The following DNAH9 variants were observed in gnomAD, a reference collection of about 807,000 sequenced individuals.
DNAH9 encodes DNAH9 variant protein.
A neutral mutation model predicts 471.6 loss-of-function variants in DNAH9; 345 were observed. The observed-to-expected ratio is 0.73, with a 90% CI of 0.67 to 0.80. The LOEUF is 0.80. Ranked by LOEUF, DNAH9 falls within the 30% of genes least tolerant of loss-of-function variation. The pLI is 0.00. For missense variants in DNAH9, 5,407 were observed against 5,609.2 expected, an observed-to-expected ratio of 0.96 and a Z score of 1.15; for synonymous variants, 2,093 against 2,123.6, an observed-to-expected ratio of 0.99 and a Z score of 0.40.
At chr17:11,734,305 G>A (rs900273146) in intron 28 of DNAH9, among the ~76,000 whole-genome samples, 4 of 152,164 alleles carry the variant, frequency 2.6e-5, no homozygotes, top group Non-Finnish European at 4.4e-5. Flanking sequence ...TCTCAACCCT[G>A]GCTGCACATT....
intron 30 of DNAH9, among the ~76,000 whole-genome samples, chr17:11,743,065 T>G (rs1209511560): frequency 6.6e-6 from 1 of 152,172 alleles, no homozygotes; most frequent in Non-Finnish European, 1.5e-5. Flanking sequence ...CATTCAGTGA[T>G]CTGTACCACA....
chr17:11,717,553 G>A (rs114889287), intron 26 of DNAH9, among the ~76,000 whole-genome samples: 1,660 of 152,126 alleles, frequency 0.011, 35 homozygotes, highest in African/African-American at 0.038. Context: ...ACATGGCCCC[G>A]CCTGGAAGTT....
At chr17:11,880,941 A>G (rs1269732095) in intron 54 of DNAH9, among the ~76,000 whole-genome samples, 1 of 152,122 alleles carries the variant, frequency 6.6e-6, no homozygotes, top group East Asian at 1.9e-4. Context: ...GAAATTGTTC[A>G]TAATGTACTA....
chr17:11,874,540 C>T (rs1293692243), intron 52 of DNAH9, among the ~76,000 whole-genome samples: 4 of 151,966 alleles, frequency 2.6e-5, no homozygotes, highest in East Asian at 3.9e-4. Context: ...CAGGAGCAAA[C>T]CCACTAGGCA....
At chr17:11,929,606 CTT>C (rs1310235559) in intron 62 of DNAH9, among the ~76,000 whole-genome samples, 3 of 152,218 alleles carry the variant, frequency 2.0e-5, no homozygotes, top group African/African-American at 7.2e-5. Flanking sequence ...TCCCAGAACT[CTT>C]TTCTATGATG....
At chr17:11,827,985 G>A (rs952296186) in intron 48 of DNAH9, among the ~76,000 whole-genome samples, 2 of 152,118 alleles carry the variant, frequency 1.3e-5, no homozygotes, top group Non-Finnish European at 2.9e-5. Context: ...CAAACCATGA[G>A]AAGATCACTA....
At chr17:11,650,128 T>C (rs1339490956) in intron 12 of DNAH9, among the ~76,000 whole-genome samples, 1 of 152,236 alleles carries the variant, frequency 6.6e-6, no homozygotes, top group Non-Finnish European at 1.5e-5. Context: ...ACTAGAAGAC[T>C]GAGTCCATTT....
At chr17:11,924,135 A>G (rs1346136442) in intron 62 of DNAH9, among the ~76,000 whole-genome samples, 194 bp downstream of exon 62, 1 of 152,096 alleles carries the variant, frequency 6.6e-6, no homozygotes, top group Admixed American at 6.6e-5. Context: ...TCCAGGAACA[A>G]TCCTTCTCCC....
At chr17:11,692,983 A>G (rs560356248) in intron 20 of DNAH9, among the ~76,000 whole-genome samples, 130 of 147,000 alleles carry the variant, frequency 8.8e-4, no homozygotes, top group African/African-American at 2.9e-3. Context: ...TCGGCTCAAT[A>G]CAACCTCCGC....
chr17:11,619,451 A>T, intron 5 of DNAH9, 97 bp from the exon 6 acceptor site: 1 of 753,158 alleles, frequency 1.3e-6, no homozygotes, highest in East Asian at 2.4e-5. Context: ...ATCCTCGTGA[A>T]AAATATTACT....
At chr17:11,810,023 T>C (rs1338376105) in intron 44 of DNAH9, among the ~76,000 whole-genome samples, 1 of 152,162 alleles carries the variant, frequency 6.6e-6, no homozygotes, top group African/African-American at 2.4e-5. Context: ...GCCATTGCTA[T>C]GTAATTTCTC....
intron 14 of DNAH9, among the ~76,000 whole-genome samples, chr17:11,657,221 A>C (rs1042872876): frequency 4.6e-5 from 7 of 152,078 alleles, no homozygotes; most frequent in African/African-American, 1.7e-4. Flanking sequence ...TTCTTCACCA[A>C]ATTGTGGGTT....
intron 50 of DNAH9, among the ~76,000 whole-genome samples, chr17:11,859,602 T>C (rs1310251057): frequency 6.6e-6 from 1 of 152,136 alleles, no homozygotes; most frequent in African/African-American, 2.4e-5. Context: ...AGGAGTTTAA[T>C]CGGCTCACAG....
intron 56 of DNAH9, chr17:11,884,401 A>G (rs1427800151): frequency 8.9e-6 from 3 of 336,996 alleles, no homozygotes; most frequent in African/African-American, 6.4e-5. Flanking sequence ...CAAACCTCCA[A>G]CAAGGCCTTT....
chr17:11,969,273 G>A (rs768631037), intron 68 of DNAH9, 27 bp from the exon 69 acceptor site: 1 of 1,604,078 alleles, frequency 6.2e-7, no homozygotes, highest in Admixed American at 1.7e-5. Context: ...CTGATCTAAG[G>A]TGCCTCTTCT....
Position 11,735,504 on chromosome 17 carries a change from C to T in DNAH9, c.5815-3376C>T, listed in dbSNP as rs184340854. ...AGGCTGGAGTGCAGTGGCGCGATCTCGGCTCACTGCCACCTCTGCCTCCCA... is the reference window on the plus strand; with the variant it reads ...AGGCTGGAGTGCAGTGGCGCGATCTTGGCTCACTGCCACCTCTGCCTCCCA... On this transcript the variant is annotated intron_variant, in intron 28 of 68. Transcript: ENST00000262442. 2.8e-4 allele frequency among the ~76,000 whole-genome samples: 42 copies of T among 152,114 alleles called. No homozygotes were observed. The South Asian group carries it at 4.4e-3, about 16-fold the overall frequency.
Position 11,747,753 on chromosome 17 carries a change from A to G in DNAH9, c.6597A>G (p.Gly2199=). Residue 2199 remains glycine, a synonymous_variant, in exon 32 of 69, where the codon GGA becomes GGG. Coordinates refer to ENST00000262442, the MANE Select transcript of DNAH9 (RefSeq NM_001372.4). ...TTGGCATCATCAATCCAGCCACAGG[A>G]GAATGGAAGGATGGTAAGAGTGGGA... The part of the protein sequence containing the change: ...ELFGIINPAT[G]EWKDGLFSSI... The G allele has an allele frequency of 6.2e-7, 1 of 1,613,640 alleles. No homozygotes were observed. Among genetic ancestry groups the G allele is most frequent in the Non-Finnish European group, 8.5e-7 (1 of 1,179,608 alleles).
chr17:11,911,743 T>C (rs1973799000), intron 61 of DNAH9, among the ~76,000 whole-genome samples: 1 of 152,168 alleles, frequency 6.6e-6, no homozygotes, highest in Non-Finnish European at 1.5e-5. Context: ...TTATTTAGCT[T>C]TCTTTAAGTT....
At chr17:11,875,380 A>G (rs1384329355) in intron 53 of DNAH9, among the ~76,000 whole-genome samples, 196 bp downstream of exon 53, 2 of 152,134 alleles carry the variant, frequency 1.3e-5, no homozygotes, top group African/African-American at 4.8e-5. Context: ...TTTTATCCAC[A>G]TGAGAAATTA....
Sources: gnomAD v4.1 joint callset for allele counts (sites outside exome capture counted in the v4.1 genomes callset) on GRCh38, gnomAD v4.1.1 for gene constraint, MANE v1.5 for transcripts, NCBI Gene and HGNC (gene_info 2026-07-23, HGNC 2026-07-21) for gene names.